AGBL3: variants seen among roughly 807,000 people sequenced by gnomAD.
The protein encoded by AGBL3 is cytosolic carboxypeptidase 3.
Under a neutral mutation model 94.5 loss-of-function variants are expected in AGBL3, and 68 were observed. The ratio of observed to expected loss-of-function variants is 0.72; its 90% confidence interval spans 0.59 to 0.88. The LOEUF (loss-of-function observed/expected upper bound fraction) is 0.88, where lower values mean the gene tolerates loss of function less well. Ranked by LOEUF, AGBL3 falls within the 40% of genes least tolerant of loss-of-function variation. The pLI is 0.00. For synonymous variants in AGBL3, 354 were observed against 370.7 expected (o/e 0.95, Z 0.52); for missense variants, 934 against 1,103.8 (o/e 0.85, Z 2.18).
rs1269160237 is a variant in AGBL3 at position 135,135,598 on chromosome 7, CATATA to C, written c.*342_*346del. 3.4e-5 allele frequency: 6 copies of C among 174,670 alleles called. No homozygotes were observed. The South Asian group carries it at 5.2e-4, about 15-fold the overall frequency. The allele number at this position is 174,670 out of a possible 1,614,324, so 10.8% of individuals were successfully genotyped here. A position where few individuals can be genotyped will look rare whatever the true frequency, so the allele number is the denominator to read the frequency against. On this transcript the variant is annotated 3_prime_UTR_variant, in exon 17 of 17. Transcript: ENST00000436302. ...ACTTAAGAACTCAAAGTAGGAATGACATATAATATGTCACTGATTTTAACCTCCCT... is the reference window on the plus strand; with the variant it reads ...ACTTAAGAACTCAAAGTAGGAATGACATATGTCACTGATTTTAACCTCCCT...
chr7:135,024,296 A>G lies in AGBL3; in HGVS notation c.418+7137A>G, dbSNP rs551285580. The stretch of plus-strand genomic sequence containing the variant: ...TGCTGCAGGTGTGCTGCAATACAAA[A>G]GAGCCCTATGGCTAAGAGCTTCTCT... On this transcript the variant is annotated intron_variant, in intron 5 of 16. Coordinates refer to ENST00000436302, the MANE Select transcript of AGBL3 (RefSeq NM_178563.4). Among the ~76,000 whole-genome samples, 5 of 152,336 alleles carry G rather than the reference A, an allele frequency of 3.3e-5. No individual in the cohort carries two copies. The East Asian group carries it at 9.7e-4, about 29-fold the overall frequency.
intron 16 of AGBL3, among the ~76,000 whole-genome samples, chr7:135,126,964 G>T (rs1006061592): frequency 2.0e-5 from 3 of 152,176 alleles, no homozygotes; most frequent in African/African-American, 7.2e-5. Context: ...CATGGGTAAA[G>T]ACTTCATGAC....
chr7:135,134,216 G>C (rs1335022124), intron 16 of AGBL3, among the ~76,000 whole-genome samples: 3 of 151,996 alleles, frequency 2.0e-5, no homozygotes, highest in Admixed American at 1.3e-4. Flanking sequence ...TGGGTGAAGA[G>C]TTCATGGGAT....
At chr7:135,003,808 TTGTG>T (rs1256218624) in intron 4 of AGBL3, among the ~76,000 whole-genome samples, 1 of 151,556 alleles carries the variant, frequency 6.6e-6, no homozygotes, top group Non-Finnish European at 1.5e-5. Context: ...AAAGTTATTT[TTGTG>T]TGTATTACTT....
chr7:135,077,754 ACATAC>A (rs1248260756), intron 13 of AGBL3, among the ~76,000 whole-genome samples: 1 of 152,010 alleles, frequency 6.6e-6, no homozygotes, highest in African/African-American at 2.4e-5. Flanking sequence ...TAAAACGTTC[ACATAC>A]CAGTTAAACT....
chr7:135,106,313 A>G (rs1824713222), intron 15 of AGBL3, among the ~76,000 whole-genome samples: 1 of 152,184 alleles, frequency 6.6e-6, no homozygotes, highest in South Asian at 2.1e-4. Flanking sequence ...CCAGTATTTA[A>G]GGGGAATGCT....
chr7:135,129,877 T>G (rs1828483263), intron 16 of AGBL3, among the ~76,000 whole-genome samples: 1 of 152,158 alleles, frequency 6.6e-6, no homozygotes, highest in African/African-American at 2.4e-5. Flanking sequence ...CATTTTTTAA[T>G]GCAAGTTGAG....
At chr7:135,010,779 A>C (rs1813045960) in intron 4 of AGBL3, 1 of 152,226 alleles carries the variant, frequency 6.6e-6, no homozygotes, top group South Asian at 2.1e-4. Context: ...GATAGACAAG[A>C]TTTCTATGAA....
At chr7:135,122,518 C>A (rs1036972108) in intron 16 of AGBL3, among the ~76,000 whole-genome samples, 1 of 152,084 alleles carries the variant, frequency 6.6e-6, no homozygotes, top group Non-Finnish European at 1.5e-5. Flanking sequence ...CGAAGCACAC[C>A]CCCCCAACCA....
rs371556294 is a variant in AGBL3 at position 134,996,559 on chromosome 7, T to A, written c.310+2881T>A. Among the ~76,000 whole-genome samples, 51 of 152,236 alleles carry A rather than the reference T, an allele frequency of 3.4e-4. 1 individual carries two copies. The highest frequency in any genetic ancestry group is 1.0e-3 in the African/African-American group (43 of 41,464). ...TAACTCTGTCTTACACAGTCATCTA[T>A]CTTGAAAGACTTTCCATATCAGTTT... On this transcript the variant is annotated intron_variant, in intron 4 of 16. Transcript: ENST00000436302.
intron 16 of AGBL3, among the ~76,000 whole-genome samples, chr7:135,123,428 C>G (rs190657243): frequency 2.4e-4 from 37 of 152,214 alleles, no homozygotes; most frequent in Admixed American, 5.9e-4. Flanking sequence ...ATCAGAGTAC[C>G]TGAGGGAGAC....
At chr7:135,062,336 G>T (rs1034922286) in intron 12 of AGBL3, among the ~76,000 whole-genome samples, 1 of 151,802 alleles carries the variant, frequency 6.6e-6, no homozygotes, top group South Asian at 2.1e-4. Flanking sequence ...TCCAAACAAG[G>T]ACAATTTAAC....
chr7:135,063,688 A>AT (rs1190394856), intron 12 of AGBL3, among the ~76,000 whole-genome samples: 1 of 151,902 alleles, frequency 6.6e-6, no homozygotes, highest in Non-Finnish European at 1.5e-5. Flanking sequence ...ATATGTCACT[A>AT]TTTTTCTGTT....
At chr7:135,065,736 A>T (rs969474865) in intron 12 of AGBL3, among the ~76,000 whole-genome samples, 1 of 152,162 alleles carries the variant, frequency 6.6e-6, no homozygotes, top group African/African-American at 2.4e-5. Flanking sequence ...TACAAAAAAT[A>T]AGAAAATTAT....
At chr7:135,129,266 T>C in intron 16 of AGBL3, 4 of 1,527,092 alleles carry the variant, frequency 2.6e-6, no homozygotes, top group Non-Finnish European at 2.7e-6. Context: ...CCAGCTGCAA[T>C]TTTGCCTTCT....
chr7:135,057,132 C>T (rs551755572), intron 11 of AGBL3, among the ~76,000 whole-genome samples: 2 of 152,082 alleles, frequency 1.3e-5, no homozygotes, highest in African/African-American at 4.8e-5. Context: ...AAAAGAGCAA[C>T]AAAAATCCCT....
At chr7:135,044,280 C>A in intron 9 of AGBL3, 129 bp downstream of exon 9, 1 of 913,550 alleles carries the variant, frequency 1.1e-6, no homozygotes, top group Non-Finnish European at 1.4e-6. Flanking sequence ...TTAATCAATT[C>A]TATAAACAGG....
At chr7:135,013,635 TATTTGATTA>T (rs1813420405) in intron 4 of AGBL3, among the ~76,000 whole-genome samples, 1 of 152,122 alleles carries the variant, frequency 6.6e-6, no homozygotes, top group Non-Finnish European at 1.5e-5. Flanking sequence ...GATTCCACTG[TATTTGATTA>T]AGTCAGTTAG....
intron 16 of AGBL3, among the ~76,000 whole-genome samples, chr7:135,116,881 C>G (rs956900525): frequency 2.0e-5 from 3 of 152,092 alleles, no homozygotes; most frequent in Non-Finnish European, 4.4e-5. Flanking sequence ...TTGTTGAGAG[C>G]TTTTTGTGCA....
Sources: gnomAD v4.1 joint callset for allele counts (sites outside exome capture counted in the v4.1 genomes callset) on GRCh38, gnomAD v4.1.1 for gene constraint, MANE v1.5 for transcripts, NCBI Gene and HGNC (gene_info 2026-07-23, HGNC 2026-07-21) for gene names.